Variants in LOC112267897 observed in about 807,000 individuals in gnomAD.
At chr13:63,747,384 G>A in the LOC112267897 span, 1 of 429,942 alleles carries the variant, frequency 2.3e-6, no homozygotes, top group African/African-American at 5.1e-5. Flanking sequence ...TTTTCCAAAT[G>A]TTATCTTTTG....
chr13:63,747,024 G>C, the LOC112267897 span: 1 of 1,579,218 alleles, frequency 6.3e-7, no homozygotes, highest in Non-Finnish European at 8.7e-7. Flanking sequence ...TATGGCTCTG[G>C]CTACAGCTGT....
At chr13:63,747,379 C>T in the LOC112267897 span, 7 of 443,840 alleles carry the variant, frequency 1.6e-5, no homozygotes, top group Non-Finnish European at 2.7e-5. Context: ...GACTGTTTTC[C>T]AAATGTTATC....
chr13:63,747,796 A>G, the LOC112267897 span: 1 of 130,060 alleles, frequency 7.7e-6, no homozygotes, highest in Non-Finnish European at 1.5e-5. Context: ...TATTATTATT[A>G]TTATTTTATA....
the LOC112267897 span, chr13:63,747,015 A>C: frequency 4.5e-6 from 7 of 1,557,786 alleles, no homozygotes; most frequent in South Asian, 1.1e-5. Context: ...AGCTGTGGCT[A>C]TGGCTCTGGC....
At chr13:63,747,063 A>G in the LOC112267897 span, 67 of 1,604,300 alleles carry the variant, frequency 4.2e-5, no homozygotes, top group South Asian at 7.1e-4. Flanking sequence ...GGCTGTGGCT[A>G]TGGAACTGGC....
chr13:63,747,741 C>T, the LOC112267897 span: 6 of 132,212 alleles, frequency 4.5e-5, no homozygotes, highest in Admixed American at 1.9e-4. Context: ...AAGTGCCATT[C>T]GTGCTAAGTG....
the LOC112267897 span, chr13:63,746,931 A>G: frequency 1.4e-6 from 2 of 1,448,050 alleles, no homozygotes; most frequent in Non-Finnish European, 1.9e-6. Context: ...AGCTGTGGCT[A>G]TGGCTGTGGC....
At chr13:63,746,832 G>T in the LOC112267897 span, 6 of 1,423,626 alleles carry the variant, frequency 4.2e-6, no homozygotes, top group Non-Finnish European at 5.9e-6. Flanking sequence ...AACTCCTGTG[G>T]CTATGGCTCC....
the LOC112267897 span, chr13:63,747,009 GTGGCTATGGCTC>G: frequency 6.5e-7 from 1 of 1,539,762 alleles, no homozygotes; most frequent in Non-Finnish European, 9.0e-7. Flanking sequence ...GGCTACAGCT[GTGGCTATGGCTC>G]TGGCTACAGC....
chr13:63,747,331 T>C, the LOC112267897 span: 1 of 571,926 alleles, frequency 1.7e-6, no homozygotes, highest in Non-Finnish European at 2.9e-6. Flanking sequence ...CACATTTCTT[T>C]GAATGAAATC....
At chr13:63,747,027 A>C in the LOC112267897 span, 39 of 1,582,246 alleles carry the variant, frequency 2.5e-5, no homozygotes, top group East Asian at 8.1e-4. Flanking sequence ...GGCTCTGGCT[A>C]CAGCTGTGGC....
chr13:63,746,882 T>C, the LOC112267897 span: 10 of 1,430,568 alleles, frequency 7.0e-6, 1 homozygote, highest in Non-Finnish European at 9.8e-6. Flanking sequence ...TGGCTATGGC[T>C]ATGGCTCCAG....
chr13:63,747,277 T>A, the LOC112267897 span: 10 of 883,520 alleles, frequency 1.1e-5, no homozygotes, highest in Non-Finnish European at 1.2e-5. Context: ...AAGATTTCTA[T>A]ATCCAAGAAT....
chr13:63,746,779 T>A, the LOC112267897 span: 5,395 of 1,433,098 alleles, frequency 3.8e-3, 36 homozygotes, highest in Non-Finnish European at 4.8e-3. Flanking sequence ...GAAACCCATC[T>A]CAATTCTCTC....
At chr13:63,746,945 G>A in the LOC112267897 span, 2 of 1,425,226 alleles carry the variant, frequency 1.4e-6, no homozygotes, top group Non-Finnish European at 9.9e-7. Flanking sequence ...CTGTGGCTAT[G>A]GCTCTGGTTA....
chr13:63,746,952 G>A, the LOC112267897 span: 2 of 1,412,834 alleles, frequency 1.4e-6, no homozygotes, highest in Non-Finnish European at 2.0e-6. Context: ...TATGGCTCTG[G>A]TTATGGCTGT....
At chr13:63,746,871 A>G in the LOC112267897 span, 4 of 1,310,734 alleles carry the variant, frequency 3.1e-6, no homozygotes, top group Admixed American at 3.5e-5. Context: ...GGCTCTGGTT[A>G]TGGCTATGGC....
At chr13:63,747,807 CTG>C in the LOC112267897 span, 109 of 128,920 alleles carry the variant, frequency 8.5e-4, 5 homozygotes, top group Non-Finnish European at 1.1e-3. Context: ...TTATTTTATA[CTG>C]TGTTTTTACT....
the LOC112267897 span, chr13:63,747,852 C>T: frequency 8.8e-6 from 1 of 113,350 alleles, no homozygotes; most frequent in East Asian, 2.2e-4. Flanking sequence ...AGTTGAGATA[C>T]ACAAATATTT....
Sources: gnomAD v4.1 joint callset for allele counts on GRCh38, gnomAD v4.1.1 for gene constraint, MANE v1.5 for transcripts.